NEGR1: variants seen among roughly 807,000 people sequenced by gnomAD.
The protein encoded by NEGR1 is IgLON family member 4.
In NEGR1, 10 loss-of-function variants were observed where a neutral mutation model predicts 40.9. The ratio of observed to expected loss-of-function variants is 0.24; its 90% CI spans 0.15 to 0.42. NEGR1 has a LOEUF of 0.42. Among genes scored for constraint, NEGR1 ranks in the 10% least tolerant of loss-of-function variants. The probability of loss-of-function intolerance (pLI) is 1.00; values close to 1 mark genes in which losing one functional copy is unlikely to be tolerated. For synonymous variants in NEGR1, 185 were observed against 166.8 expected (o/e 1.11, Z -0.84); for missense variants, 352 against 438.9 (o/e 0.80, Z 1.77).
intron 1 of NEGR1, among the ~76,000 whole-genome samples, chr1:72,256,285 C>G (rs908641245): frequency 6.6e-6 from 1 of 152,112 alleles, no homozygotes; most frequent in Non-Finnish European, 1.5e-5. Flanking sequence ...AGGATATCAT[C>G]AAGAAATATC....
chr1:71,683,259 T>C (rs1445351013), intron 4 of NEGR1, among the ~76,000 whole-genome samples: 1 of 152,122 alleles, frequency 6.6e-6, no homozygotes, highest in Non-Finnish European at 1.5e-5. Flanking sequence ...CTTTGTTTAA[T>C]GTGAAGGGAT....
chr1:71,548,068 G>C (rs1406793804), intron 6 of NEGR1, among the ~76,000 whole-genome samples: 2 of 151,656 alleles, frequency 1.3e-5, no homozygotes, highest in African/African-American at 4.8e-5. Context: ...TCAAACCTCA[G>C]ATAACTACAG....
chr1:72,210,563 C>T (rs1653564589), intron 1 of NEGR1, among the ~76,000 whole-genome samples: 1 of 151,838 alleles, frequency 6.6e-6, no homozygotes, highest in Admixed American at 6.6e-5. Flanking sequence ...ATAAATCACT[C>T]AGACTTCATG....
At chr1:71,658,100 C>T (rs543778308) in intron 4 of NEGR1, among the ~76,000 whole-genome samples, 18 of 152,150 alleles carry the variant, frequency 1.2e-4, no homozygotes, top group Non-Finnish European at 2.6e-4. Context: ...TCTATGCATT[C>T]AAAATATCAT....
chr1:71,984,917 T>G (rs1324416979), intron 1 of NEGR1, among the ~76,000 whole-genome samples: 2 of 152,128 alleles, frequency 1.3e-5, no homozygotes, highest in African/African-American at 2.4e-5. Context: ...CGAGCATAAT[T>G]TTAAGCCTTT....
intron 6 of NEGR1, among the ~76,000 whole-genome samples, chr1:71,488,977 C>G (rs1646906327): frequency 6.6e-6 from 1 of 151,736 alleles, no homozygotes; most frequent in Non-Finnish European, 1.5e-5. Context: ...GTTATTTGAC[C>G]TTTTAAGTCT....
intron 2 of NEGR1, among the ~76,000 whole-genome samples, chr1:71,791,804 T>A (rs1169975696): frequency 6.6e-6 from 1 of 151,866 alleles, no homozygotes; most frequent in Non-Finnish European, 1.5e-5. Flanking sequence ...TAATTGGAAG[T>A]AGGTAGAGGA....
At chr1:71,926,246 C>A (rs1409494831) in intron 2 of NEGR1, among the ~76,000 whole-genome samples, 5 of 152,090 alleles carry the variant, frequency 3.3e-5, no homozygotes, top group African/African-American at 1.2e-4. Flanking sequence ...GCCTTAGTCT[C>A]CAAATGAATA....
At chr1:71,507,342 C>G (rs765862218) in intron 6 of NEGR1, among the ~76,000 whole-genome samples, 1 of 152,084 alleles carries the variant, frequency 6.6e-6, no homozygotes, top group Non-Finnish European at 1.5e-5. Flanking sequence ...ATGGGTACTT[C>G]CTAATGGAAA....
At chr1:71,571,083 T>C (rs1648794241) in intron 6 of NEGR1, 2 of 152,164 alleles carry the variant, frequency 1.3e-5, no homozygotes, top group South Asian at 4.1e-4. Context: ...GCATTAAACA[T>C]AGATTAATGG....
intron 1 of NEGR1, among the ~76,000 whole-genome samples, chr1:71,948,691 C>T (rs966336772): frequency 4.6e-5 from 7 of 152,086 alleles, no homozygotes; most frequent in African/African-American, 1.7e-4. Flanking sequence ...ATCGATGCCT[C>T]TCTTGCTAGA....
At chr1:71,626,415 T>C (rs1353806318) in intron 4 of NEGR1, among the ~76,000 whole-genome samples, 1 of 135,312 alleles carries the variant, frequency 7.4e-6, no homozygotes, top group Non-Finnish European at 1.6e-5. Context: ...CCTATGTCCA[T>C]GTATTCTCAT....
intron 2 of NEGR1, among the ~76,000 whole-genome samples, chr1:71,782,409 T>C (rs1052919036): frequency 6.6e-6 from 1 of 152,182 alleles, no homozygotes; most frequent in Admixed American, 6.6e-5. Flanking sequence ...CTTGTTGAAA[T>C]AATTATTTGC....
intron 1 of NEGR1, among the ~76,000 whole-genome samples, chr1:72,015,077 T>C (rs910764211): frequency 6.6e-6 from 1 of 151,010 alleles, no homozygotes; most frequent in Non-Finnish European, 1.5e-5. Context: ...CTTCCAATTA[T>C]TACTGATATT....
At chr1:71,607,282 T>C (rs1447793635) in intron 5 of NEGR1, among the ~76,000 whole-genome samples, 1 of 152,216 alleles carries the variant, frequency 6.6e-6, no homozygotes, top group East Asian at 1.9e-4. Context: ...AATTGGGAAA[T>C]TATAAGTGAG....
chr1:72,282,271 C>G, intron 1 of NEGR1, 48 bp downstream of exon 1: 2 of 1,604,834 alleles, frequency 1.2e-6, no homozygotes, highest in South Asian at 1.1e-5. Context: ...CAAAGAGAGA[C>G]AGAAAGATAG....
chr1:72,033,239 A>C (rs979954432), intron 1 of NEGR1, among the ~76,000 whole-genome samples: 5 of 152,194 alleles, frequency 3.3e-5, no homozygotes, highest in Non-Finnish European at 5.9e-5. Flanking sequence ...GGCATGATAA[A>C]AGGAACAGCA....
chr1:72,267,384 T>G (rs550637705), intron 1 of NEGR1, among the ~76,000 whole-genome samples: 1 of 151,194 alleles, frequency 6.6e-6, no homozygotes, highest in African/African-American at 2.4e-5. Flanking sequence ...GGAATTTTAA[T>G]GTGAAAAAAG....
In NEGR1 at chr1:71,397,730, G is replaced by A. The variant is rs1646221361; in HGVS notation, c.*9716C>T. On this transcript the variant is annotated 3_prime_UTR_variant, in exon 7 of 7. Transcript: ENST00000357731. ...CATTTCCTGAGGAGAAATTCAAGCT[G>A]GCTGCAGAAAATTGCATAAGTAATG... 6.6e-6 allele frequency: 1 copy of A among 152,238 alleles called. No homozygotes were observed. The highest frequency in any genetic ancestry group is 6.5e-5 in the Admixed American group (1 of 15,288). The allele number at this position is 152,238 out of a possible 1,614,324, so 9.4% of individuals were successfully genotyped here.
Sources: gnomAD v4.1 joint callset for allele counts (sites outside exome capture counted in the v4.1 genomes callset) on GRCh38, gnomAD v4.1.1 for gene constraint, MANE v1.5 for transcripts, NCBI Gene and HGNC (gene_info 2026-07-23, HGNC 2026-07-21) for gene names.